UBE3D: variants seen among roughly 807,000 people sequenced by gnomAD.
The protein encoded by UBE3D is ubiquitin protein ligase E3D.
Under a neutral mutation model 49.6 loss-of-function variants are expected in UBE3D, and 48 were observed. The observed-to-expected ratio is 0.97, with a 90% CI of 0.77 to 1.23. The LOEUF (loss-of-function observed/expected upper bound fraction) is 1.23. UBE3D is among the 50% of genes most tolerant of loss of function. The pLI, the probability that UBE3D is intolerant of heterozygous loss-of-function variation, is 0.00. For missense variants in UBE3D, 452 were observed against 468.4 expected (o/e 0.96, Z 0.32); for synonymous variants, 189 against 174.2 (o/e 1.08, Z -0.67).
chr6:82,954,397 T>C (rs752575794), intron 9 of UBE3D, among the ~76,000 whole-genome samples: 1 of 152,126 alleles, frequency 6.6e-6, no homozygotes, highest in Non-Finnish European at 1.5e-5. Flanking sequence ...CTGAGAGAAA[T>C]GTTACAATGT....
At chr6:82,940,440 C>G (rs1479945657) in intron 9 of UBE3D, among the ~76,000 whole-genome samples, 1 of 152,148 alleles carries the variant, frequency 6.6e-6, no homozygotes, top group African/African-American at 2.4e-5. Context: ...CACTCAAGTC[C>G]TGATTATCTT....
At chr6:82,917,497 G>C (rs1773008559) in intron 9 of UBE3D, among the ~76,000 whole-genome samples, 1 of 152,200 alleles carries the variant, frequency 6.6e-6, no homozygotes, top group African/African-American at 2.4e-5. Flanking sequence ...ATGCCGATAG[G>C]GAAGGAAAGA....
chr6:82,936,452 C>A (rs549611803), intron 9 of UBE3D, among the ~76,000 whole-genome samples: 35 of 151,094 alleles, frequency 2.3e-4, no homozygotes, highest in Admixed American at 6.6e-4. Flanking sequence ...TTACTACCAG[C>A]AGGAAGAGAA....
chr6:82,933,894 A>AG (rs1774356412), intron 9 of UBE3D, among the ~76,000 whole-genome samples: 1 of 152,204 alleles, frequency 6.6e-6, no homozygotes, highest in African/African-American at 2.4e-5. Context: ...AAGCCACGTG[A>AG]GTGCCTAGTG....
intron 8 of UBE3D, among the ~76,000 whole-genome samples, chr6:82,993,033 T>C (rs533928378): frequency 7.9e-5 from 12 of 152,100 alleles, no homozygotes; most frequent in Non-Finnish European, 1.3e-4. Flanking sequence ...TATCAGTTAG[T>C]TGAATCTATG....
At chr6:82,937,697 T>C (rs1039260375) in intron 9 of UBE3D, among the ~76,000 whole-genome samples, 1 of 151,156 alleles carries the variant, frequency 6.6e-6, no homozygotes. Context: ...GAGTGAAAAA[T>C]AAAAGGGGAA....
chr6:83,038,304 A>G lies in UBE3D; in HGVS notation c.667+112T>C, dbSNP rs184288818. 7.4e-4 allele frequency: 639 copies of G among 867,954 alleles called. 1 individual carries two copies. The African/African-American group carries it at 9.5e-3, about 13-fold the overall frequency. The allele number at this position is 867,954 out of a possible 1,614,324, so 53.8% of individuals were successfully genotyped here. On this transcript the variant is annotated intron_variant, in intron 5 of 9. Transcript: ENST00000369747. ...TTGGGGTCTATTTTGAAAAGCACCA[A>G]TTCCACAACATATATTAATCATCTA...
Position 83,035,249 on chromosome 6 carries a change from T to C in UBE3D, c.667+3167A>G, listed in dbSNP as rs146455872. On this transcript the variant is annotated intron_variant, in intron 5 of 9. Coordinates refer to ENST00000369747, the MANE Select transcript of UBE3D (RefSeq NM_198920.3). ...TGCTTCAATCTAGGCTGCTATCCTGTAGTCCTGCTGCCCACTCCTTACCCT... is the reference window on the plus strand; with the variant it reads ...TGCTTCAATCTAGGCTGCTATCCTGCAGTCCTGCTGCCCACTCCTTACCCT... Among the ~76,000 whole-genome samples, 87 of 152,242 alleles carry C rather than the reference T, an allele frequency of 5.7e-4. 1 individual carries two copies. Among genetic ancestry groups the C allele is most frequent in the Non-Finnish European group, 5.9e-4 (40 of 68,006 alleles).
intron 5 of UBE3D, among the ~76,000 whole-genome samples, chr6:83,033,285 A>T (rs1782009933): frequency 6.6e-6 from 1 of 152,118 alleles, no homozygotes; most frequent in South Asian, 2.1e-4. Flanking sequence ...AACACCTCCC[A>T]CCACACTCTA....
intron 8 of UBE3D, among the ~76,000 whole-genome samples, chr6:82,985,256 C>A (rs1288385691): frequency 6.6e-6 from 1 of 152,042 alleles, no homozygotes; most frequent in African/African-American, 2.4e-5. Flanking sequence ...CTCCTTACTA[C>A]TTCTAGATTT....
At chr6:82,995,308 T>C (rs1219104921) in intron 8 of UBE3D, among the ~76,000 whole-genome samples, 1 of 152,196 alleles carries the variant, frequency 6.6e-6, no homozygotes, top group Non-Finnish European at 1.5e-5. Flanking sequence ...GGTAAAAGCA[T>C]ATGTGGACAT....
chr6:82,970,844 AAAAAAC>A (rs574324667), intron 8 of UBE3D, among the ~76,000 whole-genome samples: 4,099 of 152,116 alleles, frequency 0.027, 90 homozygotes, highest in African/African-American at 0.06. Context: ...GTCTCAAAAC[AAAAAAC>A]AAAAACAAAA....
intron 2 of UBE3D, among the ~76,000 whole-genome samples, chr6:83,056,120 C>G (rs540051992): frequency 6.6e-6 from 1 of 152,278 alleles, no homozygotes; most frequent in East Asian, 1.9e-4. Context: ...TTATTTTGTC[C>G]TATAGTTTAA....
intron 1 of UBE3D, among the ~76,000 whole-genome samples, chr6:83,064,639 C>T (rs185178410): frequency 5.3e-5 from 8 of 152,132 alleles, no homozygotes; most frequent in African/African-American, 1.9e-4. Flanking sequence ...GTTTGGGTTC[C>T]TAATTACTCT....
intron 7 of UBE3D, among the ~76,000 whole-genome samples, chr6:83,020,181 A>G (rs1780986275): frequency 6.6e-6 from 1 of 152,236 alleles, no homozygotes; most frequent in African/African-American, 2.4e-5. Context: ...ACTAAAAGAC[A>G]CAGGCAAAGA....
chr6:82,902,303 A>T (rs1157091917), intron 9 of UBE3D, among the ~76,000 whole-genome samples: 1 of 152,214 alleles, frequency 6.6e-6, no homozygotes, highest in African/African-American at 2.4e-5. Flanking sequence ...TTTGTCCCAG[A>T]GAAATAGAAA....
chr6:83,037,727 G>C (rs1205130810), intron 5 of UBE3D: 1 of 152,092 alleles, frequency 6.6e-6, no homozygotes, highest in Non-Finnish European at 1.5e-5. Context: ...TAGTTCTCTA[G>C]ACACTATAAA....
chr6:82,943,547 G>A (rs1410763346), intron 9 of UBE3D, among the ~76,000 whole-genome samples: 1 of 151,964 alleles, frequency 6.6e-6, no homozygotes, highest in East Asian at 1.9e-4. Flanking sequence ...GAGTTGGGAG[G>A]ACTGCTTGGG....
chr6:82,940,542 T>C (rs293523), intron 9 of UBE3D, among the ~76,000 whole-genome samples: 129,332 of 152,164 alleles, frequency 0.85, 55,152 homozygotes, highest in East Asian at 0.94. Flanking sequence ...CATCTCAGTT[T>C]CCTGGGATGC....
Sources: gnomAD v4.1 joint callset for allele counts (sites outside exome capture counted in the v4.1 genomes callset) on GRCh38, gnomAD v4.1.1 for gene constraint, MANE v1.5 for transcripts, NCBI Gene and HGNC (gene_info 2026-07-23, HGNC 2026-07-21) for gene names.